LEF1: variants seen among roughly 807,000 people sequenced by gnomAD.
The protein encoded by LEF1 is lymphoid enhancer-binding factor 1.
LEF1 carries 14 observed loss-of-function variants against 51.2 expected under a neutral mutation model. The ratio of observed to expected loss-of-function variants is 0.27; its 90% CI spans 0.18 to 0.43. The LOEUF is 0.43. LEF1 is among the 20% of genes least tolerant of loss of function. The pLI is 1.00. For synonymous variants in LEF1, 185 were observed against 183.2 expected (o/e 1.01, Z -0.08); for missense variants, 386 against 512.0 (o/e 0.75, Z 2.37).
chr4:108,154,332 C>T (rs2110402050), intron 3 of LEF1, among the ~76,000 whole-genome samples: 1 of 149,732 alleles, frequency 6.7e-6, no homozygotes, highest in Middle Eastern at 3.5e-3. Context: ...ACGATGGATC[C>T]TTGTCTTTAA....
At chr4:108,144,865 C>CCCA in intron 3 of LEF1, among the ~76,000 whole-genome samples, 1 of 41,914 alleles carries the variant, frequency 2.4e-5, no homozygotes, top group South Asian at 1.4e-3. Context: ...CCCAACCAGC[C>CCCA]AAAAAAAAAA....
intron 3 of LEF1, among the ~76,000 whole-genome samples, chr4:108,132,730 C>A (rs538927367): frequency 8.2e-6 from 1 of 121,300 alleles, no homozygotes; most frequent in East Asian, 2.7e-4. Context: ...TGCAATGGCA[C>A]AATCTCAGCT....
At chr4:108,132,368 C>T (rs888644469) in intron 3 of LEF1, among the ~76,000 whole-genome samples, 2 of 152,082 alleles carry the variant, frequency 1.3e-5, no homozygotes, top group East Asian at 3.9e-4. Flanking sequence ...TCTTGGCATC[C>T]CAATTAGAAT....
chr4:108,081,415 A>G (rs558046989), intron 6 of LEF1, among the ~76,000 whole-genome samples, 171 bp downstream of exon 6: 1 of 152,050 alleles, frequency 6.6e-6, no homozygotes, highest in Admixed American at 6.5e-5. Flanking sequence ...CAGAGCTCCT[A>G]CCCGGGACTC....
At chr4:108,158,633 A>T (rs1033889672) in intron 3 of LEF1, among the ~76,000 whole-genome samples, 1 of 152,154 alleles carries the variant, frequency 6.6e-6, no homozygotes, top group African/African-American at 2.4e-5. Context: ...TACATAAATG[A>T]GGAACAAAAG....
intron 8 of LEF1, 24 bp downstream of exon 8, chr4:108,078,196 T>C (rs755606739): frequency 6.2e-7 from 1 of 1,611,284 alleles, no homozygotes; most frequent in African/African-American, 1.3e-5. Context: ...ACCATGAACA[T>C]TTACACATGA....
At chr4:108,102,904 C>G (rs1013695671) in intron 3 of LEF1, among the ~76,000 whole-genome samples, 1 of 152,076 alleles carries the variant, frequency 6.6e-6, no homozygotes, top group Non-Finnish European at 1.5e-5. Flanking sequence ...CTTCCATGAC[C>G]CTTATCTCAT....
chr4:108,165,204 C>T (rs1745310064), intron 1 of LEF1, 41 bp from the exon 2 acceptor site: 4 of 1,582,494 alleles, frequency 2.5e-6, no homozygotes, highest in African/African-American at 2.7e-5. Context: ...AAGAAAATCA[C>T]CTTAGAGTTT....
intron 11 of LEF1, among the ~76,000 whole-genome samples, chr4:108,063,112 T>C (rs564929590): frequency 3.3e-5 from 5 of 152,144 alleles, no homozygotes; most frequent in South Asian, 2.1e-4. Context: ...TATTAAATAA[T>C]AGAAAAAATA....
intron 8 of LEF1, among the ~76,000 whole-genome samples, chr4:108,074,938 A>T (rs866812002): frequency 1.4e-5 from 2 of 144,192 alleles, no homozygotes; most frequent in Middle Eastern, 6.9e-3. Context: ...CTTAACTCAA[A>T]AAAGAAAAAA....
At chr4:108,122,664 T>G (rs908493365) in intron 3 of LEF1, among the ~76,000 whole-genome samples, 1 of 152,004 alleles carries the variant, frequency 6.6e-6, no homozygotes, top group Admixed American at 6.6e-5. Flanking sequence ...ATTTTTATTT[T>G]TTGTAGACAT....
chr4:108,160,935 T>C (rs1214229181), intron 3 of LEF1, among the ~76,000 whole-genome samples: 1 of 152,136 alleles, frequency 6.6e-6, no homozygotes, highest in East Asian at 1.9e-4. Flanking sequence ...CTAACACTTT[T>C]GGGAAGCAGA....
intron 5 of LEF1, among the ~76,000 whole-genome samples, chr4:108,082,500 T>A (rs1739375285): frequency 6.6e-6 from 1 of 152,108 alleles, no homozygotes; most frequent in East Asian, 1.9e-4. Context: ...AATGCAAGGA[T>A]GTCCAGGTAG....
At chr4:108,137,650 T>C (rs559545475) in intron 3 of LEF1, among the ~76,000 whole-genome samples, 2 of 152,302 alleles carry the variant, frequency 1.3e-5, no homozygotes, top group South Asian at 4.1e-4. Flanking sequence ...AAGACTATAA[T>C]AATCTATTAA....
chr4:108,122,859 A>T (rs1421239727), intron 3 of LEF1, among the ~76,000 whole-genome samples: 1 of 152,142 alleles, frequency 6.6e-6, no homozygotes. Context: ...ACTTAATATT[A>T]AATAAAAGTA....
At chr4:108,117,518 G>C (rs560750970) in intron 3 of LEF1, among the ~76,000 whole-genome samples, 1 of 152,346 alleles carries the variant, frequency 6.6e-6, no homozygotes, top group South Asian at 2.1e-4. Flanking sequence ...TCCCAGCTGG[G>C]CTACGCCACA....
intron 3 of LEF1, among the ~76,000 whole-genome samples, chr4:108,131,562 A>G (rs1742901128): frequency 6.6e-6 from 1 of 152,132 alleles, no homozygotes; most frequent in Non-Finnish European, 1.5e-5. Context: ...ATCAAAGCCA[A>G]TCTCCACAAA....
At chr4:108,071,331 T>C (rs1006880023) in intron 8 of LEF1, among the ~76,000 whole-genome samples, 1 of 152,188 alleles carries the variant, frequency 6.6e-6, no homozygotes, top group Admixed American at 6.5e-5. Flanking sequence ...ATCTCTTCAT[T>C]GTCTCCTCAC....
chr4:108,061,643 A>C (rs769554814), intron 11 of LEF1, among the ~76,000 whole-genome samples: 1,086 of 12,500 alleles, frequency 0.087, 5 homozygotes, highest in Middle Eastern at 0.42. Context: ...TTTTTTTTTC[A>C]AAAAAAAAAA....
Sources: gnomAD v4.1 joint callset for allele counts (sites outside exome capture counted in the v4.1 genomes callset) on GRCh38, gnomAD v4.1.1 for gene constraint, MANE v1.5 for transcripts, NCBI Gene and HGNC (gene_info 2026-07-23, HGNC 2026-07-21) for gene names.